The following ARHGAP26 variants were observed in gnomAD, a reference collection of about 807,000 sequenced individuals.
ARHGAP26 encodes rho GTPase-activating protein 26.
In ARHGAP26, 38 loss-of-function variants were observed where a neutral mutation model predicts 104.8. The ratio of observed to expected loss-of-function variants is 0.36; its 90% CI spans 0.28 to 0.48. The LOEUF (loss-of-function observed/expected upper bound fraction) is 0.48. Among genes scored for constraint, ARHGAP26 ranks in the 20% least tolerant of loss-of-function variants. The probability of loss-of-function intolerance (pLI) is 0.99; values close to 1 mark genes in which losing one functional copy is unlikely to be tolerated. For synonymous variants in ARHGAP26, 341 were observed against 340.0 expected (o/e 1.00, Z -0.03); for missense variants, 704 against 947.9 (o/e 0.74, Z 3.38).
At chr5:143,176,963 G>T (rs1233048137) in intron 20 of ARHGAP26, among the ~76,000 whole-genome samples, 1 of 152,190 alleles carries the variant, frequency 6.6e-6, no homozygotes, top group Non-Finnish European at 1.5e-5. Context: ...AGCTGTGAGT[G>T]ACATCTAATT....
At chr5:143,176,326 A>G (rs1803470712) in intron 20 of ARHGAP26, among the ~76,000 whole-genome samples, 1 of 152,172 alleles carries the variant, frequency 6.6e-6, no homozygotes, top group Admixed American at 6.5e-5. Context: ...ATATTTATGA[A>G]CTGACGTTCA....
chr5:143,155,353 TGACC>T (rs1297425021), intron 20 of ARHGAP26, among the ~76,000 whole-genome samples: 1 of 152,176 alleles, frequency 6.6e-6, no homozygotes, highest in East Asian at 1.9e-4. Context: ...GTTACTGGTG[TGACC>T]CATTTTCTGA....
intron 9 of ARHGAP26, among the ~76,000 whole-genome samples, chr5:142,911,093 T>G (rs1225205774): frequency 6.6e-6 from 1 of 152,162 alleles, no homozygotes; most frequent in Non-Finnish European, 1.5e-5. Context: ...ATTTGCCACA[T>G]CCTCCTGGAG....
chr5:143,154,365 T>C (rs1800220298), intron 20 of ARHGAP26, among the ~76,000 whole-genome samples: 1 of 152,130 alleles, frequency 6.6e-6, no homozygotes, highest in African/African-American at 2.4e-5. Context: ...ATCTGTAAAA[T>C]AGTGTGATCA....
intron 10 of ARHGAP26, chr5:142,921,725 G>C (rs1763218171): frequency 6.3e-6 from 1 of 158,724 alleles, no homozygotes. Flanking sequence ...TTCCTTACTA[G>C]CTGTGTGACT....
intron 11 of ARHGAP26, among the ~76,000 whole-genome samples, chr5:142,994,161 A>G (rs1776043445): frequency 6.6e-6 from 1 of 152,220 alleles, no homozygotes; most frequent in African/African-American, 2.4e-5. Context: ...TTGAAATAGA[A>G]CAGATGATTT....
intron 12 of ARHGAP26, among the ~76,000 whole-genome samples, chr5:143,015,253 T>C (rs1369690249): frequency 6.6e-6 from 1 of 152,182 alleles, no homozygotes; most frequent in Non-Finnish European, 1.5e-5. Flanking sequence ...GGTAAGATTG[T>C]TTTAGAACAC....
chr5:142,883,682 A>G (rs1448832475), intron 4 of ARHGAP26, among the ~76,000 whole-genome samples: 1 of 152,066 alleles, frequency 6.6e-6, no homozygotes, highest in African/African-American at 2.4e-5. Context: ...AGAAGGCTCT[A>G]CTCTGCTCCT....
intron 4 of ARHGAP26, among the ~76,000 whole-genome samples, 169 bp from the exon 5 acceptor site, chr5:142,885,129 A>G (rs970950144): frequency 2.0e-5 from 3 of 152,106 alleles, no homozygotes; most frequent in Non-Finnish European, 4.4e-5. Flanking sequence ...TAGACACTCA[A>G]ACTCAGGGGG....
At chr5:142,791,871 C>T (rs1012750267) in intron 1 of ARHGAP26, among the ~76,000 whole-genome samples, 24 of 139,220 alleles carry the variant, frequency 1.7e-4, no homozygotes, top group African/African-American at 6.1e-4. Context: ...GGCTGAGGGA[C>T]GAGAATCGCT....
intron 13 of ARHGAP26, 136 bp downstream of exon 13, chr5:143,037,397 A>G (rs1782822893): frequency 1.7e-6 from 1 of 604,862 alleles, no homozygotes; most frequent in Non-Finnish European, 2.6e-6. Flanking sequence ...GGATTTCCAC[A>G]AGTCTTGTTG....
At chr5:142,903,085 A>C (rs1426760716) in intron 7 of ARHGAP26, among the ~76,000 whole-genome samples, 1 of 152,170 alleles carries the variant, frequency 6.6e-6, no homozygotes, top group Non-Finnish European at 1.5e-5. Context: ...CATTGGGTGC[A>C]GGCTGACCTT....
At chr5:143,011,510 A>G (rs2152810693) in intron 11 of ARHGAP26, among the ~76,000 whole-genome samples, 1 of 152,282 alleles carries the variant, frequency 6.6e-6, no homozygotes, top group South Asian at 2.1e-4. Context: ...TGTTAAATAC[A>G]TGGATAAGTA....
chr5:143,198,868 A>G (rs1807262934), intron 20 of ARHGAP26, among the ~76,000 whole-genome samples: 2 of 152,182 alleles, frequency 1.3e-5, no homozygotes, highest in Non-Finnish European at 2.9e-5. Flanking sequence ...CCATGGGTAT[A>G]TTGTGTGATG....
At chr5:143,041,766 C>A in intron 13 of ARHGAP26, 50 bp from the exon 14 acceptor site, 5 of 1,324,090 alleles carry the variant, frequency 3.8e-6, no homozygotes, top group South Asian at 1.2e-5. Flanking sequence ...ATTGGCCTGA[C>A]TTGTGTTCTG....
At chr5:142,932,227 C>A in intron 11 of ARHGAP26, 102 bp downstream of exon 11, 1 of 1,088,052 alleles carries the variant, frequency 9.2e-7, no homozygotes, top group South Asian at 1.3e-5. Flanking sequence ...GCCTTGGGTT[C>A]TTGAAACCAG....
At chr5:143,209,773 T>G (rs1809144338) in intron 21 of ARHGAP26, among the ~76,000 whole-genome samples, 1 of 144,556 alleles carries the variant, frequency 6.9e-6, no homozygotes, top group South Asian at 2.2e-4. Flanking sequence ...AGAGCTAGAC[T>G]CCATCTCAAA....
chr5:142,884,692 A>G (rs998146286), intron 4 of ARHGAP26, among the ~76,000 whole-genome samples: 2 of 152,122 alleles, frequency 1.3e-5, no homozygotes, highest in African/African-American at 4.8e-5. Context: ...TGCTGCTTTT[A>G]TTTTTCTTTT....
chr5:142,820,635 G>A (rs1399055917), intron 1 of ARHGAP26, among the ~76,000 whole-genome samples: 1 of 152,176 alleles, frequency 6.6e-6, no homozygotes, highest in African/African-American at 2.4e-5. Context: ...GGGATGGGCA[G>A]AGCTGGACCT....
Sources: allele counts gnomAD v4.1 joint callset (sites outside exome capture counted in the v4.1 genomes callset), GRCh38; gene constraint gnomAD v4.1.1; transcripts MANE v1.5; gene names NCBI Gene and HGNC (gene_info 2026-07-23, HGNC 2026-07-21).